The following BRINP3 variants were observed in gnomAD, a reference collection of about 807,000 sequenced individuals.
BRINP3 encodes BMP/retinoic acid-inducible neural-specific protein 3.
BRINP3 carries 19 observed loss-of-function variants against 71.0 expected under a neutral mutation model. The ratio of observed to expected loss-of-function variants is 0.27; its 90% CI spans 0.19 to 0.39. The LOEUF (loss-of-function observed/expected upper bound fraction) is 0.39. Among genes scored for constraint, BRINP3 ranks in the 10% least tolerant of loss-of-function variants. The pLI, the probability that BRINP3 is intolerant of heterozygous loss-of-function variation, is 1.00. For missense variants in BRINP3, 959 were observed against 940.8 expected (o/e 1.02, Z -0.25); for synonymous variants, 380 against 337.7 (o/e 1.13, Z -1.37).
In BRINP3 at chr1:190,317,272, G is replaced by A. The variant is rs566640872; in HGVS notation, c.237-35522C>T. Among the ~76,000 whole-genome samples the A allele has an allele frequency of 1.0e-3, 157 of 151,810 alleles. 1 individual carries two copies. Among genetic ancestry groups the A allele is most frequent in the South Asian group, 2.7e-3 (13 of 4,808 alleles). On this transcript the variant is annotated intron_variant, in intron 2 of 7. Transcript: ENST00000367462. ...GTAAGGGGTCTTCTTGAGAAGAAAT[G>A]GGGCACGTAATTGCTGCTAACACCT...
In BRINP3 at chr1:190,107,401, G is replaced by A. The variant is rs569153782; in HGVS notation, c.1185-8267C>T. Among the ~76,000 whole-genome samples, 8 of 151,856 alleles carry A rather than the reference G, an allele frequency of 5.3e-5. No homozygotes were observed. The East Asian group carries it at 1.2e-3, about 22-fold the overall frequency. ...ACGTGGAATTTTCTTTTACAGAATC[G>A]AATGTCCTTTTTCCTCTGCTTAGCC... On this transcript the variant is annotated intron_variant, in intron 7 of 7. Transcript: ENST00000367462.
intron 2 of BRINP3, among the ~76,000 whole-genome samples, chr1:190,355,057 A>T (rs1148609): frequency 0.75 from 114,119 of 151,674 alleles, 43,149 homozygotes; most frequent in Non-Finnish European, 0.79. Context: ...TTCTCAGGAA[A>T]ACTCAGGAAT....
chr1:190,350,827 T>G (rs1668334456), intron 2 of BRINP3, among the ~76,000 whole-genome samples: 1 of 151,708 alleles, frequency 6.6e-6, no homozygotes, highest in African/African-American at 2.4e-5. Flanking sequence ...ACCTTGTTTT[T>G]TTTTTTTTTT....
intron 3 of BRINP3, among the ~76,000 whole-genome samples, chr1:190,265,258 G>A (rs955555175): frequency 5.3e-5 from 8 of 151,900 alleles, no homozygotes; most frequent in East Asian, 1.9e-4. Context: ...CTTTAAACAC[G>A]TAGTTACTGA....
At chr1:190,215,558 TA>T (rs1379384772) in intron 6 of BRINP3, among the ~76,000 whole-genome samples, 1 of 151,974 alleles carries the variant, frequency 6.6e-6, no homozygotes, top group East Asian at 1.9e-4. Context: ...ACATAAAATT[TA>T]AAAAAATTTA....
intron 7 of BRINP3, among the ~76,000 whole-genome samples, chr1:190,118,017 G>A (rs1428313110): frequency 1.3e-4 from 19 of 151,928 alleles, no homozygotes; most frequent in Non-Finnish European, 4.4e-5. Flanking sequence ...GTCACCAAAG[G>A]TTTGGTTAGA....
rs981918036 is a variant in BRINP3, at chr1:190,240,364, T to C, written c.619-5887A>G. On this transcript the variant is annotated intron_variant, in intron 4 of 7. Transcript: ENST00000367462. The stretch of plus-strand genomic sequence containing the variant: ...TAATGAGATAAAAGTTTGTTAAATT[T>C]ATATAGTTTATATTCAAAACACAAA... Among the ~76,000 whole-genome samples the C allele has an allele frequency of 1.4e-4, 21 of 152,086 alleles. 1 individual carries two copies. The highest frequency in any genetic ancestry group is 5.1e-4 in the African/African-American group (21 of 41,440).
At chr1:190,328,459 G>A (rs1294910667) in intron 2 of BRINP3, among the ~76,000 whole-genome samples, 1 of 151,830 alleles carries the variant, frequency 6.6e-6, no homozygotes, top group African/African-American at 2.4e-5. Context: ...AAATCTAGAG[G>A]ACACATAATC....
chr1:190,226,878 T>C (rs1657434018), intron 5 of BRINP3, among the ~76,000 whole-genome samples: 1 of 151,908 alleles, frequency 6.6e-6, no homozygotes, highest in Admixed American at 6.6e-5. Context: ...ACTACAGGAA[T>C]CAGATGGACT....
rs1671428661 is a variant in BRINP3, at chr1:190,394,197, TCA to T, written c.236+60456_236+60457del. The stretch of plus-strand genomic sequence containing the variant: ...ATTATTTTTAAAAGTGTCAAGCTGT[TCA>T]CTACTGTAACAATTTATAATACTTT... On this transcript the variant is annotated intron_variant, in intron 2 of 7. Transcript: ENST00000367462. 4.0e-5 allele frequency among the ~76,000 whole-genome samples: 6 copies of T among 151,730 alleles called. No individual in the cohort carries two copies. The South Asian group carries it at 1.0e-3, about 26-fold the overall frequency.
At chr1:190,459,063 A>C (rs896130156) in intron 1 of BRINP3, among the ~76,000 whole-genome samples, 3 of 151,732 alleles carry the variant, frequency 2.0e-5, no homozygotes, top group Non-Finnish European at 4.4e-5. Flanking sequence ...ATAAAAAATA[A>C]GTCATAAATA....
intron 4 of BRINP3, among the ~76,000 whole-genome samples, chr1:190,258,033 C>T (rs1210558965): frequency 2.0e-5 from 3 of 152,334 alleles, no homozygotes; most frequent in East Asian, 1.9e-4. Flanking sequence ...CAGACAGAGA[C>T]GTTTAAGTCT....
Position 190,234,716 on chromosome 1 carries a change from T to C in BRINP3, c.619-239A>G, listed in dbSNP as rs144749742. ...ATAAATATCCCAGGAAAATAATGCA[T>C]GCCATCTTTGTTCAAAAGCATAACT... On this transcript the variant is annotated intron_variant, in intron 4 of 7. Coordinates refer to ENST00000367462, the MANE Select transcript of BRINP3 (RefSeq NM_199051.3). Among the ~76,000 whole-genome samples, 205 of 152,226 alleles carry C rather than the reference T, an allele frequency of 1.3e-3. 1 individual carries two copies. Among genetic ancestry groups the C allele is most frequent in the African/African-American group, 4.6e-3 (192 of 41,562 alleles).
intron 6 of BRINP3, among the ~76,000 whole-genome samples, chr1:190,162,034 G>A (rs959855154): frequency 2.0e-5 from 3 of 151,900 alleles, no homozygotes; most frequent in East Asian, 1.9e-4. Flanking sequence ...GCATCTTTAC[G>A]GCATTGAAGG....
chr1:190,160,933 A>T, intron 6 of BRINP3, 43 bp from the exon 7 acceptor site: 1 of 1,446,766 alleles, frequency 6.9e-7, no homozygotes, highest in Non-Finnish European at 9.5e-7. Context: ...TGAAACAATT[A>T]TTTTTTGTTT....
intron 2 of BRINP3, among the ~76,000 whole-genome samples, chr1:190,328,856 G>C (rs1191357428): frequency 6.6e-6 from 1 of 152,088 alleles, no homozygotes; most frequent in Non-Finnish European, 1.5e-5. Flanking sequence ...TGAGATGCAA[G>C]GTTGGTTCAA....
chr1:190,361,465 C>T (rs1018225924), intron 2 of BRINP3, among the ~76,000 whole-genome samples: 1 of 152,000 alleles, frequency 6.6e-6, no homozygotes, highest in Admixed American at 6.6e-5. Context: ...TGCAGTGGCA[C>T]TATTTCAGTT....
rs771095517 is a variant in BRINP3, at chr1:190,098,822, A to G, written c.1497T>C (p.Tyr499=). 9.3e-6 allele frequency: 15 copies of G among 1,614,180 alleles called. No homozygotes were observed. The highest frequency in any genetic ancestry group is 2.2e-5 in the South Asian group (2 of 91,090). The change falls in exon 8 of 8, where the codon TAT becomes TAC. Residue 499 remains tyrosine (Y), a synonymous_variant. Coordinates refer to ENST00000367462, the MANE Select transcript of BRINP3 (RefSeq NM_199051.3). ...TTCGTCTGTCCGTTTTCTGCAGCAG[A>G]TATTTCATCTCGAGATCTTGCAGGT... is the stretch of plus-strand genomic sequence containing the variant. ...ETDLQDLEMK[Y]LLQKTDRRIE...
chr1:190,344,444 C>T (rs1050908739), intron 2 of BRINP3, among the ~76,000 whole-genome samples: 3 of 141,386 alleles, frequency 2.1e-5, no homozygotes, highest in Admixed American at 7.4e-5. Flanking sequence ...AACAACAGTA[C>T]CCTCTCAAAA....
Sources: allele counts gnomAD v4.1 joint callset (sites outside exome capture counted in the v4.1 genomes callset), GRCh38; gene constraint gnomAD v4.1.1; transcripts MANE v1.5; gene names NCBI Gene and HGNC (gene_info 2026-07-23, HGNC 2026-07-21).